TNRC6B: variants seen among roughly 807,000 people sequenced by gnomAD.
TNRC6B encodes trinucleotide repeat containing adaptor 6B, also known as trinucleotide repeat-containing gene 6B protein.
Under a neutral mutation model 203.6 loss-of-function variants are expected in TNRC6B, and 52 were observed. The ratio of observed to expected loss-of-function variants is 0.26; its 90% confidence interval spans 0.20 to 0.32. The LOEUF is 0.32. Among genes scored for constraint, TNRC6B ranks in the 10% least tolerant of loss-of-function variants. The probability of loss-of-function intolerance (pLI) is 1.00; values close to 1 mark genes in which losing one functional copy is unlikely to be tolerated. For synonymous variants in TNRC6B, 838 were observed against 845.7 expected, an observed-to-expected ratio of 0.99 and a Z score of 0.16; for missense variants, 1,923 against 2,286.2, an observed-to-expected ratio of 0.84 and a Z score of 3.24.
chr22:40,078,170 A>G (rs775581194), intron 1 of TNRC6B, among the ~76,000 whole-genome samples: 1 of 152,238 alleles, frequency 6.6e-6, no homozygotes, highest in Non-Finnish European at 1.5e-5. Context: ...TTCATGAAGC[A>G]TCCATACTAC....
Position 40,324,382 on chromosome 22 carries a change from G to A in TNRC6B, c.*1141G>A, listed in dbSNP as rs1337827123. On this transcript the variant is annotated 3_prime_UTR_variant, in exon 23 of 23. Coordinates refer to ENST00000454349, the MANE Select transcript of TNRC6B (RefSeq NM_001162501.2). ...CTTTTCGTTAGTTTGAAATGGGAAC[G>A]GAAGATAACTTTTGATGATGCGATG... 3.3e-5 allele frequency: 5 copies of A among 152,388 alleles called. No individual in the cohort carries two copies. Among genetic ancestry groups the A allele is most frequent in the Non-Finnish European group, 7.4e-5 (5 of 68,000 alleles). 9.4% of individuals were successfully genotyped at this position (152,388 alleles called of 1,614,324 possible).
rs369616516 is a variant in TNRC6B, at chr22:40,105,755, G to A, written c.-120-11300G>A. On this transcript the variant is annotated intron_variant, in intron 1 of 23. Transcript: ENST00000301923. Reference sequence around the variant, plus strand: ...ATAGTGCTGCTGTGTGTGCCTTTGGGGTACATGTGCATACATTCTGCTGGG... The same window carrying A: ...ATAGTGCTGCTGTGTGTGCCTTTGGAGTACATGTGCATACATTCTGCTGGG... 1.2e-4 allele frequency among the ~76,000 whole-genome samples: 18 copies of A among 152,240 alleles called. 2 individuals carry two copies. The highest frequency in any genetic ancestry group is 9.8e-4 in the Admixed American group (15 of 15,292).
intron 4 of TNRC6B, among the ~76,000 whole-genome samples, chr22:40,165,442 C>T (rs1258050823): frequency 6.6e-6 from 1 of 152,142 alleles, no homozygotes; most frequent in Non-Finnish European, 1.5e-5. Flanking sequence ...GCCCAAAGTA[C>T]TTGGATTACA....
intron 4 of TNRC6B, among the ~76,000 whole-genome samples, chr22:40,171,228 C>T (rs1195759492): frequency 1.4e-5 from 2 of 139,954 alleles, no homozygotes; most frequent in Non-Finnish European, 3.0e-5. Context: ...GTGGCGCAAT[C>T]TCGGCTCACT....
intron 1 of TNRC6B, among the ~76,000 whole-genome samples, chr22:40,096,127 T>G (rs2146300668): frequency 6.6e-6 from 1 of 152,296 alleles, no homozygotes; most frequent in African/African-American, 2.4e-5. Flanking sequence ...CATTGGTGCT[T>G]CTTATGGTAA....
intron 1 of TNRC6B, among the ~76,000 whole-genome samples, chr22:40,067,655 A>T (rs748296474): frequency 6.6e-6 from 1 of 152,156 alleles, no homozygotes; most frequent in Non-Finnish European, 1.5e-5. Context: ...CAAATCCCAG[A>T]GTCCAAAGGC....
intron 2 of TNRC6B, among the ~76,000 whole-genome samples, chr22:40,247,696 A>G (rs775216999): frequency 6.6e-6 from 1 of 152,218 alleles, no homozygotes; most frequent in Non-Finnish European, 1.5e-5. Flanking sequence ...TCATGCAGTC[A>G]GGGTACCTGC....
chr22:40,221,753 C>CCCCCG (rs2069711946), intron 1 of TNRC6B, among the ~76,000 whole-genome samples: 1 of 121,848 alleles, frequency 8.2e-6, no homozygotes, highest in Admixed American at 1.0e-4. Flanking sequence ...TTCTTATTGC[C>CCCCCG]CCCCCCCCTT....
intron 8 of TNRC6B, among the ~76,000 whole-genome samples, chr22:40,277,636 T>A (rs1332957588): frequency 6.6e-6 from 1 of 152,240 alleles, no homozygotes; most frequent in Non-Finnish European, 1.5e-5. Context: ...GTTGAAGGTT[T>A]GATGACTTGA....
At chr22:40,082,412 A>G (rs2068069916) in intron 1 of TNRC6B, among the ~76,000 whole-genome samples, 1 of 152,192 alleles carries the variant, frequency 6.6e-6, no homozygotes, top group African/African-American at 2.4e-5. Flanking sequence ...AAGTCTTAGC[A>G]TAGTCAAGAA....
intron 3 of TNRC6B, among the ~76,000 whole-genome samples, chr22:40,144,406 T>C (rs1047366493): frequency 6.6e-6 from 1 of 152,232 alleles, no homozygotes; most frequent in Admixed American, 6.5e-5. Flanking sequence ...CTGGGCGCAG[T>C]GGCTCCCGCC....
chr22:40,323,184 C>T lies in TNRC6B; in HGVS notation c.5445C>T (p.Gly1815=), dbSNP rs1443252941. 1 of 1,613,700 alleles carries T rather than the reference C, an allele frequency of 6.2e-7. No individual in the cohort carries two copies. The highest frequency in any genetic ancestry group is 8.5e-7 in the Non-Finnish European group (1 of 1,179,884). The part of the protein sequence containing the change: ...VPTVEDPHRM[G]SPAPLLPGDL... Reference sequence around the variant, plus strand: ...CGGTGGAAGATCCCCATAGGATGGGCAGCCCTGCTCCTTTACTACCTGGTG... The same window carrying T: ...CGGTGGAAGATCCCCATAGGATGGGTAGCCCTGCTCCTTTACTACCTGGTG... The change falls in exon 23 of 23, where the codon GGC becomes GGT. Residue 1815 remains glycine, a synonymous_variant. Transcript: ENST00000454349.
intron 3 of TNRC6B, among the ~76,000 whole-genome samples, chr22:40,252,880 T>A (rs2070214664): frequency 6.6e-6 from 1 of 152,190 alleles, no homozygotes. Context: ...TAGGGCTTTT[T>A]GATGATTTAT....
chr22:40,206,937 A>G (rs368711944), intron 1 of TNRC6B, among the ~76,000 whole-genome samples: 3 of 152,192 alleles, frequency 2.0e-5, no homozygotes, highest in African/African-American at 7.2e-5. Flanking sequence ...GGCTTAAAAC[A>G]TCGGACGTTT....
At chr22:40,310,732 C>A in intron 16 of TNRC6B, 85 bp from the exon 17 acceptor site, 1 of 1,356,114 alleles carries the variant, frequency 7.4e-7, no homozygotes, top group Non-Finnish European at 1.0e-6. Context: ...CTTCAGAAGA[C>A]TGTTTGCATT....
rs1048740330 is a variant in TNRC6B at position 40,323,284 on chromosome 22, A to T, written c.*43A>T. 5.1e-6 allele frequency: 8 copies of T among 1,574,134 alleles called. No homozygotes were observed. The highest frequency in any genetic ancestry group is 6.9e-6 in the Non-Finnish European group (8 of 1,166,794). On this transcript the variant is annotated 3_prime_UTR_variant, in exon 23 of 23. Transcript: ENST00000454349. Reference sequence around the variant, plus strand: ...CTGACCTCGTGACCTTTTTTGGAACAGCAGCAGCACTAACTTGACCTTTTC... The same window carrying T: ...CTGACCTCGTGACCTTTTTTGGAACTGCAGCAGCACTAACTTGACCTTTTC...
At chr22:40,298,058 G>A (rs2070968589) in intron 12 of TNRC6B, among the ~76,000 whole-genome samples, 1 of 151,900 alleles carries the variant, frequency 6.6e-6, no homozygotes, top group Admixed American at 6.6e-5. Context: ...CCAGGAGGTG[G>A]AGCTTGCAGT....
intron 1 of TNRC6B, among the ~76,000 whole-genome samples, chr22:40,191,540 A>C (rs1242065051): frequency 6.6e-6 from 1 of 152,092 alleles, no homozygotes; most frequent in East Asian, 1.9e-4. Context: ...GGTAGCTTGG[A>C]GTTGTAGTTT....
chr22:40,063,995 A>G (rs1206742673), intron 1 of TNRC6B, among the ~76,000 whole-genome samples: 1 of 152,100 alleles, frequency 6.6e-6, no homozygotes, highest in African/African-American at 2.4e-5. Flanking sequence ...GAGCCACTGC[A>G]CCCAGCCCAA....
Sources: allele counts gnomAD v4.1 joint callset (sites outside exome capture counted in the v4.1 genomes callset), GRCh38; gene constraint gnomAD v4.1.1; transcripts MANE v1.5; gene names NCBI Gene and HGNC (gene_info 2026-07-23, HGNC 2026-07-21).